Variants in SLC9C1 observed in about 807,000 individuals in gnomAD.
The protein encoded by SLC9C1 is solute carrier family 9 member C1, also known as sodium/hydrogen exchanger 10.
SLC9C1 carries 97 observed loss-of-function variants against 140.9 expected under a neutral mutation model. That is an observed-to-expected ratio of 0.69 (90% CI 0.58 to 0.82). The LOEUF is 0.82. SLC9C1 is among the 40% of genes least tolerant of loss of function. The pLI is 0.00. For synonymous variants in SLC9C1, 440 were observed against 442.6 expected (o/e 0.99, Z 0.07); for missense variants, 1,340 against 1,389.3 (o/e 0.96, Z 0.56).
intron 13 of SLC9C1, 83 bp from the exon 14 acceptor site, chr3:112,221,308 T>C (rs912297442): frequency 1.7e-6 from 2 of 1,149,354 alleles, no homozygotes; most frequent in African/African-American, 3.1e-5. Context: ...AAATGTGTGA[T>C]AAAGAAGTAA....
At chr3:112,199,503 A>G in intron 19 of SLC9C1, 34 bp from the exon 20 acceptor site, 1 of 1,496,812 alleles carries the variant, frequency 6.7e-7, no homozygotes, top group Non-Finnish European at 8.9e-7. Flanking sequence ...AGATTAAATA[A>G]GAACATTGTT....
At chr3:112,145,796 C>A (rs973598562) in intron 28 of SLC9C1, among the ~76,000 whole-genome samples, 9 of 151,858 alleles carry the variant, frequency 5.9e-5, no homozygotes, top group Admixed American at 2.0e-4. Context: ...GGGAGAGACC[C>A]GAAGGCAGAT....
intron 28 of SLC9C1, chr3:112,151,619 T>C: frequency 1.9e-6 from 1 of 517,992 alleles, no homozygotes; most frequent in South Asian, 1.7e-5. Flanking sequence ...TAAGTGGCAG[T>C]ATATAGAGAG....
chr3:112,180,823 C>A (rs2077425476), intron 21 of SLC9C1, among the ~76,000 whole-genome samples, 161 bp from the exon 22 acceptor site: 3 of 152,186 alleles, frequency 2.0e-5, no homozygotes, highest in African/African-American at 4.8e-5. Context: ...GCACCCTCCC[C>A]CTCCTGGGTT....
intron 1 of SLC9C1, among the ~76,000 whole-genome samples, chr3:112,290,120 A>C (rs1047374191): frequency 4.6e-5 from 7 of 152,210 alleles, no homozygotes; most frequent in African/African-American, 1.7e-4. Flanking sequence ...TATTGAGAAA[A>C]ATATTGTCAA....
intron 8 of SLC9C1, 142 bp from the exon 9 acceptor site, chr3:112,264,485 G>A: frequency 2.8e-6 from 1 of 359,536 alleles, no homozygotes; most frequent in Non-Finnish European, 4.7e-6. Flanking sequence ...ACTTGTAGCT[G>A]AAAATGATGA....
chr3:112,282,605 C>T (rs191739011), intron 2 of SLC9C1, among the ~76,000 whole-genome samples: 20 of 152,186 alleles, frequency 1.3e-4, no homozygotes, highest in African/African-American at 4.8e-4. Context: ...CACCTTCTCA[C>T]TTTTTTGTCC....
intron 26 of SLC9C1, among the ~76,000 whole-genome samples, chr3:112,165,015 A>G (rs951726750): frequency 1.2e-4 from 18 of 152,050 alleles, no homozygotes; most frequent in African/African-American, 4.1e-4. Flanking sequence ...ACTTCATTTC[A>G]TTCATTTGAT....
At chr3:112,220,062 T>C (rs941413290) in intron 14 of SLC9C1, among the ~76,000 whole-genome samples, 4 of 152,148 alleles carry the variant, frequency 2.6e-5, no homozygotes, top group African/African-American at 9.7e-5. Context: ...CCTAAAGCAT[T>C]GGAAGTGCCT....
At chr3:112,285,743 A>T (rs2080489932) in intron 2 of SLC9C1, among the ~76,000 whole-genome samples, 1 of 152,104 alleles carries the variant, frequency 6.6e-6, no homozygotes, top group South Asian at 2.1e-4. Context: ...TCCTTATGGT[A>T]TTCAGTTATA....
chr3:112,291,785 GTAAACTGTTCTATCA>G (rs1301205295), intron 1 of SLC9C1, among the ~76,000 whole-genome samples: 1 of 152,122 alleles, frequency 6.6e-6, no homozygotes, highest in East Asian at 1.9e-4. Flanking sequence ...ACAAAGAAAT[GTAAACTGTTCTATCA>G]TAAAGACATA....
chr3:112,280,522 T>C (rs557224599), intron 3 of SLC9C1, among the ~76,000 whole-genome samples, 161 bp downstream of exon 3: 4 of 152,228 alleles, frequency 2.6e-5, no homozygotes, highest in Non-Finnish European at 5.9e-5. Context: ...CAGGCCTGGC[T>C]CCTTTTTCTA....
At chr3:112,249,053 T>G (rs1474245877) in intron 10 of SLC9C1, among the ~76,000 whole-genome samples, 1 of 152,146 alleles carries the variant, frequency 6.6e-6, no homozygotes, top group African/African-American at 2.4e-5. Context: ...GCTTCCAGCT[T>G]TTGCTGATTC....
chr3:112,286,760 C>T lies in SLC9C1; in HGVS notation c.32G>A (p.Ser11Asn). The change falls in exon 2 of 29, where the codon AGT becomes AAT. Residue 11 changes from serine (S) to asparagine (N), a missense_variant. Transcript: ENST00000305815. ...AATGACTTCAGGGAGGTCCTCAGTA[C>T]TGAAAAAAAACTCCTTAAATATTCC... Reference protein sequence around the residue: MAGIFKEFFFSTEDLPEVILT... With the variant: MAGIFKEFFFNTEDLPEVILT... 3 of 1,611,928 alleles carry T rather than the reference C, an allele frequency of 1.9e-6. No individual in the cohort carries two copies. The highest frequency in any genetic ancestry group is 1.7e-6 in the Non-Finnish European group (2 of 1,179,272).
At chr3:112,251,159 T>C (rs11922559) in intron 10 of SLC9C1, among the ~76,000 whole-genome samples, 89,839 of 151,802 alleles carry the variant, frequency 0.59, 27,104 homozygotes, top group East Asian at 0.79. Context: ...GTAAATACAG[T>C]GTTTTCAGCT....
chr3:112,245,827 A>AT (rs1428599959), intron 10 of SLC9C1, among the ~76,000 whole-genome samples: 2 of 152,098 alleles, frequency 1.3e-5, no homozygotes, highest in Non-Finnish European at 2.9e-5. Context: ...TGGAATATAT[A>AT]TTTTACATAG....
At chr3:112,223,321 A>G (rs9877734) in intron 13 of SLC9C1, among the ~76,000 whole-genome samples, 114,775 of 151,978 alleles carry the variant, frequency 0.76, 43,750 homozygotes, top group East Asian at 0.99. Context: ...AAATAGAAGA[A>G]GAGCACAAAG....
chr3:112,286,774 C>CT lies in SLC9C1; in HGVS notation c.17dup (p.Glu7GlyfsTer7), dbSNP rs773788161. ...GGTCCTCAGTACTGAAAAAAAACTC[C>CT]TTAAATATTCCAGCCATGTTTCAGA... On this transcript the variant is annotated frameshift_variant, in exon 2 of 29. Coordinates refer to ENST00000305815, the MANE Select transcript of SLC9C1 (RefSeq NM_183061.3). LOFTEE classifies it high-confidence loss of function. 6.6e-5 allele frequency: 107 copies of CT among 1,611,622 alleles called. No individual in the cohort carries two copies. Among genetic ancestry groups the CT allele is most frequent in the Non-Finnish European group, 8.6e-5 (101 of 1,179,160 alleles).
chr3:112,215,791 T>A (rs113738004), intron 15 of SLC9C1, among the ~76,000 whole-genome samples: 15 of 152,324 alleles, frequency 9.8e-5, no homozygotes, highest in African/African-American at 3.6e-4. Flanking sequence ...CAAGGTAATT[T>A]ATAGATTCAA....
Sources: gnomAD v4.1 joint callset for allele counts (sites outside exome capture counted in the v4.1 genomes callset) on GRCh38, gnomAD v4.1.1 for gene constraint, MANE v1.5 for transcripts, NCBI Gene and HGNC (gene_info 2026-07-23, HGNC 2026-07-21) for gene names.